KLC2: variants seen among roughly 807,000 people sequenced by gnomAD.
The protein encoded by KLC2 is kinesin light chain 2, also known as KLC 2.
A neutral mutation model predicts 75.1 loss-of-function variants in KLC2; 35 were observed. That is an observed-to-expected ratio of 0.47 (90% CI 0.36 to 0.62). The LOEUF is 0.62. Among genes scored for constraint, KLC2 ranks in the 20% least tolerant of loss-of-function variants. KLC2 has a pLI of 0.00. For synonymous variants in KLC2, 314 were observed against 336.7 expected, an observed-to-expected ratio of 0.93 and a Z score of 0.74; for missense variants, 611 against 833.2, an observed-to-expected ratio of 0.73 and a Z score of 3.28.
chr11:66,267,497 C>G lies in KLC2; in HGVS notation c.*541C>G. 2 of 695,190 alleles carry G rather than the reference C, an allele frequency of 2.9e-6. No individual in the cohort carries two copies. Among genetic ancestry groups the G allele is most frequent in the Non-Finnish European group, 2.7e-6 (1 of 371,434 alleles). The allele number at this position is 695,190 out of a possible 1,614,324, so 43.1% of individuals were successfully genotyped here. The stretch of plus-strand genomic sequence containing the variant: ...CTCTACATTCTCGGGAGCGGCGCCT[C>G]CCAAGGGGGTCCTGGGACCTTCTCG... On this transcript the variant is annotated 3_prime_UTR_variant, in exon 16 of 16. Coordinates refer to ENST00000394067, the MANE Select transcript of KLC2 (RefSeq NM_001318734.2).
chr11:66,257,092 G>A (rs1251598276), upstream of KLC2, among the ~76,000 whole-genome samples: 1 of 152,226 alleles, frequency 6.6e-6, no homozygotes, highest in Non-Finnish European at 1.5e-5. Flanking sequence ...CAGAGCTAGG[G>A]CTGTGGATGA....
At chr11:66,250,050 C>T in the KLC2 span, among the ~76,000 whole-genome samples, 2 of 151,960 alleles carry the variant, frequency 1.3e-5, no homozygotes, top group South Asian at 2.1e-4. Context: ...TCACCACCCT[C>T]GAGCCACACC....
At chr11:66,266,067 C>G (rs1194052753) in intron 13 of KLC2, 26 bp from the exon 14 acceptor site, 4 of 1,613,952 alleles carry the variant, frequency 2.5e-6, no homozygotes, top group Non-Finnish European at 3.4e-6. Flanking sequence ...CCAGCGGGGC[C>G]TAGAGGCAAG....
chr11:66,266,815 A>G, intron 15 of KLC2, 58 bp from the exon 16 acceptor site: 3 of 1,566,410 alleles, frequency 1.9e-6, no homozygotes, highest in Non-Finnish European at 1.8e-6. Flanking sequence ...CCTTCAGGCC[A>G]GGGAGGCACA....
At chr11:66,249,210 C>T in the KLC2 span, among the ~76,000 whole-genome samples, 1 of 152,146 alleles carries the variant, frequency 6.6e-6, no homozygotes, top group Non-Finnish European at 1.5e-5. Context: ...GGGAGGAAGA[C>T]CTCAAAGGTG....
chr11:66,252,511 C>T (rs1181548842), upstream of KLC2, among the ~76,000 whole-genome samples: 1 of 126,880 alleles, frequency 7.9e-6, no homozygotes, highest in Non-Finnish European at 1.9e-5. Flanking sequence ...GATCCCCCCG[C>T]CTCGGCCTCC....
upstream of KLC2, among the ~76,000 whole-genome samples, chr11:66,255,163 C>A (rs940789729): frequency 2.0e-5 from 3 of 152,172 alleles, no homozygotes; most frequent in African/African-American, 7.2e-5. Context: ...GCAGACTTAC[C>A]AAAATGCAAT....
chr11:66,250,165 C>G, the KLC2 span, among the ~76,000 whole-genome samples: 1 of 152,116 alleles, frequency 6.6e-6, no homozygotes, highest in African/African-American at 2.4e-5. Context: ...CCCAACCACC[C>G]CACCCAAAGC....
chr11:66,251,861 G>C, the KLC2 span, among the ~76,000 whole-genome samples: 3 of 152,254 alleles, frequency 2.0e-5, no homozygotes, highest in Admixed American at 2.0e-4. Flanking sequence ...ACAGGACTTA[G>C]TGCTATTCCA....
At chr11:66,253,518 CTG>C (rs1254614981), upstream of KLC2, among the ~76,000 whole-genome samples, 5 of 152,192 alleles carry the variant, frequency 3.3e-5, no homozygotes, top group African/African-American at 1.2e-4. Context: ...CTGCTGAGCA[CTG>C]TGGAAAGAGC....
the KLC2 span, among the ~76,000 whole-genome samples, chr11:66,247,943 A>T: frequency 2.0e-5 from 3 of 152,144 alleles, no homozygotes; most frequent in Admixed American, 6.5e-5. Context: ...CCGGGCAAAG[A>T]AGAGGAAATC....
chr11:66,261,990 T>C lies in KLC2; in HGVS notation c.459+18T>C. On this transcript the variant is annotated intron_variant, in intron 3 of 15. Transcript: ENST00000394067. ...CCCCTAACGTGAGCTCCTACCATGG[T>C]CACTGTTGCCCAGCAAGGAGGCCTG... 1 of 1,607,800 alleles carries C rather than the reference T, an allele frequency of 6.2e-7. No homozygotes were observed. The highest frequency in any genetic ancestry group is 1.1e-5 in the South Asian group (1 of 90,848).
upstream of KLC2, among the ~76,000 whole-genome samples, chr11:66,252,837 G>A (rs1197843783): frequency 1.3e-5 from 2 of 152,068 alleles, no homozygotes; most frequent in African/African-American, 4.8e-5. Flanking sequence ...GGAACCAGGA[G>A]CCTCTGGGGA....
At position 66,267,586 on chromosome 11, in the gene KLC2, G is replaced by T. The variant is rs1033154178; in HGVS notation, c.*630G>T. The T allele has an allele frequency of 3.2e-6, 2 of 617,326 alleles. No individual in the cohort carries two copies. Among genetic ancestry groups the T allele is most frequent in the Non-Finnish European group, 5.9e-6 (2 of 341,212 alleles). 38.2% of individuals were successfully genotyped at this position (617,326 alleles called of 1,614,324 possible). On this transcript the variant is annotated 3_prime_UTR_variant, in exon 16 of 16. Coordinates refer to ENST00000394067, the MANE Select transcript of KLC2 (RefSeq NM_001318734.2). ...CCATCGCCCCGTGGCCCAGGACGGG[G>T]ACCTCCCCTTAGTCCGTCCTCCCAC...
chr11:66,254,705 G>A (rs1480419068), upstream of KLC2, among the ~76,000 whole-genome samples: 3 of 150,298 alleles, frequency 2.0e-5, no homozygotes, highest in Non-Finnish European at 4.4e-5. Flanking sequence ...GGAGGCCAAG[G>A]TGGGCGGATC....
chr11:66,266,608 C>G, intron 15 of KLC2, 118 bp downstream of exon 15: 1 of 1,168,856 alleles, frequency 8.6e-7, no homozygotes. Context: ...CTGTCTCAGG[C>G]CTACTTTGGG....
intron 14 of KLC2, 75 bp downstream of exon 14, chr11:66,266,292 C>T (rs1000795096): frequency 6.5e-7 from 1 of 1,528,846 alleles, no homozygotes; most frequent in Non-Finnish European, 8.9e-7. Flanking sequence ...GAGTGTGCCC[C>T]ACTGACCCCA....
chr11:66,258,183 G>A (rs1856141784), intron 1 of KLC2: 2 of 178,882 alleles, frequency 1.1e-5, no homozygotes, highest in African/African-American at 2.4e-5. Flanking sequence ...TGGGCTCCGC[G>A]GCTTGGCCTG....
At chr11:66,249,751 C>A in the KLC2 span, among the ~76,000 whole-genome samples, 1 of 152,136 alleles carries the variant, frequency 6.6e-6, no homozygotes, top group Non-Finnish European at 1.5e-5. Flanking sequence ...AGCAAGACTC[C>A]TGATTTCCCT....
Sources: gnomAD v4.1 joint callset for allele counts (sites outside exome capture counted in the v4.1 genomes callset) on GRCh38, gnomAD v4.1.1 for gene constraint, MANE v1.5 for transcripts, NCBI Gene and HGNC (gene_info 2026-07-23, HGNC 2026-07-21) for gene names.